KAZN: variants seen among roughly 807,000 people sequenced by gnomAD.
KAZN encodes kazrin, periplakin interacting protein, also known as kazrin.
In KAZN, 40 loss-of-function variants were observed where a neutral mutation model predicts 87.4. The ratio of observed to expected loss-of-function variants is 0.46; its 90% CI spans 0.36 to 0.60. KAZN has a LOEUF of 0.60. KAZN is among the 20% of genes least tolerant of loss of function. KAZN has a pLI of 0.00. For missense variants in KAZN, 898 were observed against 1,073.9 expected, an observed-to-expected ratio of 0.84 and a Z score of 2.29; for synonymous variants, 466 against 458.3, an observed-to-expected ratio of 1.02 and a Z score of -0.22.
At chr1:14,739,518 C>G (rs1170983877) in intron 1 of KAZN, among the ~76,000 whole-genome samples, 3 of 152,080 alleles carry the variant, frequency 2.0e-5, no homozygotes, top group Non-Finnish European at 4.4e-5. Context: ...TTCATAAGCT[C>G]AAGTGTTTCC....
intron 1 of KAZN, among the ~76,000 whole-genome samples, chr1:14,102,181 C>A (rs867166380): frequency 1.3e-5 from 2 of 152,114 alleles, no homozygotes; most frequent in African/African-American, 4.8e-5. Flanking sequence ...AATCCAGAGT[C>A]CCGGGGAAGA....
chr1:14,806,197 T>TC (rs1340128703), intron 1 of KAZN, among the ~76,000 whole-genome samples: 1 of 152,074 alleles, frequency 6.6e-6, no homozygotes, highest in South Asian at 2.1e-4. Flanking sequence ...GTGGCCAATC[T>TC]CCCCCAGGTA....
chr1:14,399,673 G>A (rs12048175), intron 2 of KAZN, among the ~76,000 whole-genome samples: 22,915 of 151,886 alleles, frequency 0.15, 1,864 homozygotes, highest in East Asian at 0.23. Context: ...AGGGGTGGTG[G>A]CCTGTGTGAC....
intron 2 of KAZN, among the ~76,000 whole-genome samples, chr1:15,026,614 A>G (rs916535835): frequency 6.6e-6 from 1 of 152,132 alleles, no homozygotes; most frequent in Non-Finnish European, 1.5e-5. Context: ...AGCACCCCAC[A>G]GTCACTCAAG....
At chr1:14,364,746 A>T (rs1303365506) in intron 2 of KAZN, among the ~76,000 whole-genome samples, 4 of 152,208 alleles carry the variant, frequency 2.6e-5, no homozygotes, top group Admixed American at 6.5e-5. Context: ...GTCGTCAGGG[A>T]CATGCTTCAT....
intron 2 of KAZN, among the ~76,000 whole-genome samples, chr1:14,576,582 T>G (rs1160601568): frequency 6.6e-6 from 1 of 152,248 alleles, no homozygotes; most frequent in Non-Finnish European, 1.5e-5. Flanking sequence ...TTTTGGGGGC[T>G]TCTATGTAAT....
intron 1 of KAZN, among the ~76,000 whole-genome samples, chr1:14,763,158 G>A (rs948660593): frequency 1.3e-5 from 2 of 152,208 alleles, no homozygotes; most frequent in African/African-American, 2.4e-5. Context: ...TAGGCCAACA[G>A]CAGGCAAGAG....
At chr1:14,223,399 T>C (rs371477175) in intron 2 of KAZN, among the ~76,000 whole-genome samples, 4 of 152,344 alleles carry the variant, frequency 2.6e-5, no homozygotes, top group East Asian at 1.9e-4. Flanking sequence ...GCTGTCTATT[T>C]TGGGTCTGTG....
intron 1 of KAZN, among the ~76,000 whole-genome samples, chr1:14,941,762 C>A (rs1285579363): frequency 1.3e-5 from 2 of 152,176 alleles, no homozygotes; most frequent in Non-Finnish European, 2.9e-5. Context: ...TGGTTCTGCC[C>A]ATGGTCTTTG....
At chr1:14,658,923 C>T (rs577095286) in intron 1 of KAZN, among the ~76,000 whole-genome samples, 3 of 152,150 alleles carry the variant, frequency 2.0e-5, no homozygotes, top group Non-Finnish European at 2.9e-5. Context: ...CCTGCTTTCA[C>T]GTTATTTATG....
At chr1:13,915,207 A>C (rs1308321457) in intron 1 of KAZN, among the ~76,000 whole-genome samples, 1 of 152,214 alleles carries the variant, frequency 6.6e-6, no homozygotes, top group Non-Finnish European at 1.5e-5. Context: ...TTTCCCCAGC[A>C]GGGAGGGTTT....
At chr1:14,702,773 A>G (rs1426723621) in intron 1 of KAZN, among the ~76,000 whole-genome samples, 1 of 152,174 alleles carries the variant, frequency 6.6e-6, no homozygotes, top group Non-Finnish European at 1.5e-5. Flanking sequence ...ATGCTCTGTG[A>G]AAGTGTTTAA....
At chr1:14,064,980 G>A (rs1273800245) in intron 1 of KAZN, among the ~76,000 whole-genome samples, 2 of 152,196 alleles carry the variant, frequency 1.3e-5, no homozygotes, top group Non-Finnish European at 2.9e-5. Context: ...GTGTCCTTTA[G>A]CCTCCTGGTC....
chr1:13,928,324 G>T (rs1246064126), intron 1 of KAZN, among the ~76,000 whole-genome samples: 1 of 152,190 alleles, frequency 6.6e-6, no homozygotes, highest in African/African-American at 2.4e-5. Context: ...TGGTGACATT[G>T]ATGATGACAA....
intron 1 of KAZN, among the ~76,000 whole-genome samples, chr1:13,966,954 T>C (rs1641968625): frequency 6.6e-6 from 1 of 152,272 alleles, no homozygotes; most frequent in African/African-American, 2.4e-5. Context: ...TGGTCTACAA[T>C]GTATGTCTTA....
chr1:15,053,457 C>T (rs1237912405), intron 4 of KAZN, among the ~76,000 whole-genome samples: 2 of 152,232 alleles, frequency 1.3e-5, no homozygotes, highest in African/African-American at 4.8e-5. Context: ...CTCTGTGAAG[C>T]AGCGACCTGC....
In KAZN at chr1:14,219,107, T is replaced by A. The variant is rs113021123; in HGVS notation, c.249+38515T>A. Among the ~76,000 whole-genome samples the A allele has an allele frequency of 7.6e-4, 115 of 152,172 alleles. 1 individual carries two copies. Among genetic ancestry groups the A allele is most frequent in the African/African-American group, 2.7e-3 (112 of 41,528 alleles). ...CACTTGTTTTCTTCAACAAATAAAT[T>A]ACATGAGAAACAAATGTGGAGAGAC... On this transcript the variant is annotated intron_variant, in intron 2 of 16. Transcript: ENST00000636203.
At chr1:14,213,743 G>A (rs1646902803) in intron 2 of KAZN, among the ~76,000 whole-genome samples, 1 of 152,142 alleles carries the variant, frequency 6.6e-6, no homozygotes, top group Non-Finnish European at 1.5e-5. Context: ...CTATGTTGGG[G>A]GGAGACTAGT....
rs1171932923 is a variant in KAZN at position 14,110,602 on chromosome 1, A to T, written c.92-69833A>T. On this transcript the variant is annotated intron_variant, in intron 1 of 16. Transcript: ENST00000636203. ...GGTTTTATTTGCATGACTTGGAATG[A>T]TACATTATTTTTCAGATCTCAAGAA... Among the ~76,000 whole-genome samples the T allele has an allele frequency of 2.6e-5, 2 of 77,814 alleles. 1 individual carries two copies. The highest frequency in any genetic ancestry group is 5.2e-5 in the Non-Finnish European group (2 of 38,110). The allele number at this position is 77,814 out of a possible 152,430, so 51.0% of individuals were successfully genotyped here. A position where few individuals can be genotyped will look rare whatever the true frequency, so the allele number is the denominator to read the frequency against.
Sources: gnomAD v4.1 joint callset for allele counts (sites outside exome capture counted in the v4.1 genomes callset) on GRCh38, gnomAD v4.1.1 for gene constraint, MANE v1.5 for transcripts, NCBI Gene and HGNC (gene_info 2026-07-23, HGNC 2026-07-21) for gene names.